FSIP1: variants seen among roughly 807,000 people sequenced by gnomAD.
The protein encoded by FSIP1 is fibrous sheath interacting protein 1, also known as fibrous sheath-interacting protein 1.
Under a neutral mutation model 60.9 loss-of-function variants are expected in FSIP1, and 65 were observed. That is an observed-to-expected ratio of 1.07 (90% confidence interval 0.87 to 1.31). FSIP1 has a LOEUF of 1.31. Ranked by LOEUF, FSIP1 falls within the 40% of genes most tolerant of loss-of-function variation. The pLI, the probability that FSIP1 is intolerant of heterozygous loss-of-function variation, is 0.00. For synonymous variants in FSIP1, 209 were observed against 221.2 expected (o/e 0.94, Z 0.49); for missense variants, 675 against 665.5 (o/e 1.01, Z -0.16).
At chr15:39,602,903 T>C (rs1288428389) in intron 11 of FSIP1, among the ~76,000 whole-genome samples, 1 of 152,168 alleles carries the variant, frequency 6.6e-6, no homozygotes, top group East Asian at 1.9e-4. Context: ...TCAATAGAAC[T>C]AGATTGAGTA....
chr15:39,698,644 A>G (rs996360958), intron 10 of FSIP1, among the ~76,000 whole-genome samples: 2 of 152,196 alleles, frequency 1.3e-5, no homozygotes, highest in African/African-American at 2.4e-5. Context: ...TTTGTGCCAC[A>G]TACACTTGAG....
chr15:39,649,111 C>T (rs547019552), intron 10 of FSIP1, among the ~76,000 whole-genome samples: 1 of 152,184 alleles, frequency 6.6e-6, no homozygotes, highest in South Asian at 2.1e-4. Context: ...TGACTGGACA[C>T]GATTTCAGTC....
chr15:39,649,051 C>A (rs1378520417), intron 10 of FSIP1, among the ~76,000 whole-genome samples: 1 of 151,826 alleles, frequency 6.6e-6, no homozygotes, highest in Non-Finnish European at 1.5e-5. Context: ...ACTAAGCAAA[C>A]GGAAACAACC....
chr15:39,604,698 G>A (rs568756997), intron 11 of FSIP1, among the ~76,000 whole-genome samples: 1 of 152,252 alleles, frequency 6.6e-6, no homozygotes, highest in Non-Finnish European at 1.5e-5. Flanking sequence ...AAGTCACTAA[G>A]GGCATTGAAG....
At chr15:39,647,820 A>G (rs1313498944) in intron 10 of FSIP1, among the ~76,000 whole-genome samples, 1 of 152,256 alleles carries the variant, frequency 6.6e-6, no homozygotes, top group Non-Finnish European at 1.5e-5. Context: ...AATCTACTGC[A>G]TAAGGACAAA....
chr15:39,655,769 A>G (rs1368158718), intron 10 of FSIP1, among the ~76,000 whole-genome samples: 1 of 152,166 alleles, frequency 6.6e-6, no homozygotes, highest in Non-Finnish European at 1.5e-5. Flanking sequence ...GTCAACCTAG[A>G]GGAAGACTAT....
At chr15:39,630,394 A>T (rs1891832714) in intron 10 of FSIP1, among the ~76,000 whole-genome samples, 1 of 152,244 alleles carries the variant, frequency 6.6e-6, no homozygotes, top group Non-Finnish European at 1.5e-5. Context: ...GACACATTTA[A>T]ATAGTTTCCC....
At chr15:39,774,474 CA>C (rs201038941) in intron 2 of FSIP1, among the ~76,000 whole-genome samples, 18,139 of 116,074 alleles carry the variant, frequency 0.16, 1,323 homozygotes, top group Admixed American at 0.31. Flanking sequence ...GAGCAAGACT[CA>C]AAAAAAAAAA....
chr15:39,719,684 T>C (rs1227190779), intron 9 of FSIP1, among the ~76,000 whole-genome samples: 1 of 152,218 alleles, frequency 6.6e-6, no homozygotes, highest in African/African-American at 2.4e-5. Context: ...GTTCCTGCTA[T>C]TTCTTGTCAT....
At chr15:39,712,711 A>G (rs966122117) in intron 10 of FSIP1, among the ~76,000 whole-genome samples, 18 of 152,236 alleles carry the variant, frequency 1.2e-4, no homozygotes, top group African/African-American at 4.3e-4. Flanking sequence ...TGGGAAAATC[A>G]TAGTATGACA....
intron 11 of FSIP1, among the ~76,000 whole-genome samples, chr15:39,610,774 A>G (rs1891000768): frequency 1.3e-5 from 2 of 152,262 alleles, no homozygotes; most frequent in Non-Finnish European, 2.9e-5. Context: ...AGCAACCAGC[A>G]GATTTCTCAG....
chr15:39,609,127 G>A (rs1199252740), intron 11 of FSIP1, among the ~76,000 whole-genome samples: 1 of 152,186 alleles, frequency 6.6e-6, no homozygotes, highest in Non-Finnish European at 1.5e-5. Flanking sequence ...AGACCACCTA[G>A]GATCAGCCAG....
Position 39,694,184 on chromosome 15 carries a change from C to T in FSIP1, c.1188+19260G>A, listed in dbSNP as rs191180752. Among the ~76,000 whole-genome samples the T allele has an allele frequency of 4.9e-3, 725 of 149,266 alleles. 7 individuals are homozygous for T. The highest frequency in any genetic ancestry group is 0.017 in the African/African-American group (693 of 40,604). ...CAAGAGATTTATTTTTTTTTTTTGGCCACTCTAATTCAAGGATTTTAGTAT... is the reference window on the plus strand; with the variant it reads ...CAAGAGATTTATTTTTTTTTTTTGGTCACTCTAATTCAAGGATTTTAGTAT... On this transcript the variant is annotated intron_variant, in intron 10 of 11. Transcript: ENST00000350221.
intron 3 of FSIP1, among the ~76,000 whole-genome samples, chr15:39,769,819 T>C (rs979088695): frequency 6.6e-6 from 1 of 152,184 alleles, no homozygotes; most frequent in African/African-American, 2.4e-5. Flanking sequence ...ACCAGCAATT[T>C]TGCCCACCAT....
At chr15:39,700,857 A>G (rs999260692) in intron 10 of FSIP1, among the ~76,000 whole-genome samples, 2 of 152,242 alleles carry the variant, frequency 1.3e-5, no homozygotes, top group Admixed American at 6.5e-5. Flanking sequence ...GTTCCCATTT[A>G]AAATACAGCT....
intron 1 of FSIP1, among the ~76,000 whole-genome samples, chr15:39,776,750 T>C (rs1898077582): frequency 6.6e-6 from 1 of 152,110 alleles, no homozygotes; most frequent in Non-Finnish European, 1.5e-5. Context: ...GCCCAGGATG[T>C]TAGATACTGA....
intron 9 of FSIP1, among the ~76,000 whole-genome samples, chr15:39,726,121 G>A (rs1395139922): frequency 5.3e-5 from 8 of 152,128 alleles, no homozygotes; most frequent in Admixed American, 5.2e-4. Flanking sequence ...GAACTACTGA[G>A]AGAAGAAACA....
At chr15:39,770,301 T>C (rs376227328) in intron 3 of FSIP1, 126 bp downstream of exon 3, 1 of 617,082 alleles carries the variant, frequency 1.6e-6, no homozygotes, top group Non-Finnish European at 2.5e-6. Flanking sequence ...CTATGTCTTT[T>C]TTTTGGTTTA....
chr15:39,698,018 G>C (rs913155422), intron 10 of FSIP1, among the ~76,000 whole-genome samples: 1 of 151,658 alleles, frequency 6.6e-6, no homozygotes, highest in Non-Finnish European at 1.5e-5. Context: ...ATAAACCAAT[G>C]TATCTGAGTG....
Sources: allele counts gnomAD v4.1 joint callset (sites outside exome capture counted in the v4.1 genomes callset), GRCh38; gene constraint gnomAD v4.1.1; transcripts MANE v1.5; gene names NCBI Gene and HGNC (gene_info 2026-07-23, HGNC 2026-07-21).